TTC17: variants seen among roughly 807,000 people sequenced by gnomAD.
TTC17 encodes tetratricopeptide repeat domain 17.
Under a neutral mutation model 143.8 loss-of-function variants are expected in TTC17, and 58 were observed. The observed-to-expected ratio is 0.40, with a 90% CI of 0.33 to 0.50. The LOEUF is 0.50. Ranked by LOEUF, TTC17 falls within the 20% of genes least tolerant of loss-of-function variation. TTC17 has a pLI of 0.49. For synonymous variants in TTC17, 501 were observed against 497.8 expected, an observed-to-expected ratio of 1.01 and a Z score of -0.09; for missense variants, 1,273 against 1,392.5, an observed-to-expected ratio of 0.91 and a Z score of 1.37.
At position 43,450,128 on chromosome 11, in the gene TTC17, A is replaced by G. The variant is rs1273303488; in HGVS notation, c.2833A>G (p.Met945Val). ...TGCCACCCCTATACAGCAGCCAGCA[A>G]TGGAGCCTCTTTGCAATGGCAATCT... is the stretch of plus-strand genomic sequence containing the variant. The part of the protein sequence containing the change: ...DFATPIQQPA[M>V]EPLCNGNLPT... Residue 945 changes from methionine to valine, a missense_variant, in exon 20 of 24, where the codon ATG becomes GTG. Coordinates refer to ENST00000039989, the MANE Select transcript of TTC17 (RefSeq NM_018259.6). 2 of 1,614,042 alleles carry G rather than the reference A, an allele frequency of 1.2e-6. No homozygotes were observed. Among genetic ancestry groups the G allele is most frequent in the Non-Finnish European group, 1.7e-6 (2 of 1,180,018 alleles).
chr11:43,467,902 A>T (rs1360698643), intron 21 of TTC17, among the ~76,000 whole-genome samples: 2 of 152,130 alleles, frequency 1.3e-5, no homozygotes, highest in African/African-American at 2.4e-5. Flanking sequence ...AACATACAGA[A>T]TCCCAGGAGA....
chr11:43,405,191 A>T (rs1590366324), intron 11 of TTC17, among the ~76,000 whole-genome samples: 1 of 151,612 alleles, frequency 6.6e-6, no homozygotes, highest in South Asian at 2.1e-4. Flanking sequence ...CAGCAACTGG[A>T]ACAACATGAT....
At chr11:43,480,660 G>A (rs911964998) in intron 21 of TTC17, among the ~76,000 whole-genome samples, 2 of 152,080 alleles carry the variant, frequency 1.3e-5, no homozygotes, top group African/African-American at 4.8e-5. Context: ...CTGAAATACT[G>A]TACAAAGTAG....
At position 43,385,241 on chromosome 11, in the gene TTC17, G is replaced by A. The variant is rs921750438; in HGVS notation, c.250-4411G>A. Among the ~76,000 whole-genome samples, 33 of 152,088 alleles carry A rather than the reference G, an allele frequency of 2.2e-4. 1 individual carries two copies. Among genetic ancestry groups the A allele is most frequent in the Admixed American group, 3.9e-4 (6 of 15,268 alleles). ...ACATAGAAAAAGAGATAGAGGGAGC[G>A]AGTATGCCCTAAATTGAACGAAGAT... On this transcript the variant is annotated intron_variant, in intron 2 of 23. Transcript: ENST00000039989.
intron 2 of TTC17, among the ~76,000 whole-genome samples, chr11:43,387,188 A>G (rs528423952): frequency 3.9e-5 from 6 of 152,358 alleles, no homozygotes; most frequent in Admixed American, 1.3e-4. Flanking sequence ...AATATGTTCA[A>G]TCTTATTAAA....
intron 1 of TTC17, among the ~76,000 whole-genome samples, chr11:43,376,652 A>G (rs868027185): frequency 6.6e-6 from 1 of 152,188 alleles, no homozygotes; most frequent in African/African-American, 2.4e-5. Context: ...AAGGCATATT[A>G]ACATTCTTTT....
At chr11:43,444,326 G>A (rs1473732635) in intron 18 of TTC17, 117 bp downstream of exon 18, 5 of 1,059,362 alleles carry the variant, frequency 4.7e-6, no homozygotes. Flanking sequence ...GGGGCAAAGT[G>A]TGGTCAAGAA....
At chr11:43,408,815 C>T (rs958355021) in intron 15 of TTC17, among the ~76,000 whole-genome samples, 6 of 152,016 alleles carry the variant, frequency 3.9e-5, no homozygotes, top group African/African-American at 1.5e-4. Flanking sequence ...GGTCACGGCT[C>T]ACTGCAGCCT....
chr11:43,410,121 G>C (rs1230221589), intron 15 of TTC17, among the ~76,000 whole-genome samples: 2 of 152,100 alleles, frequency 1.3e-5, no homozygotes, highest in South Asian at 4.1e-4. Context: ...CCAAAGTGCT[G>C]GGATTACAGG....
At chr11:43,381,905 G>C (rs574659300) in intron 2 of TTC17, among the ~76,000 whole-genome samples, 3 of 152,286 alleles carry the variant, frequency 2.0e-5, no homozygotes, top group African/African-American at 7.2e-5. Context: ...TACAGGATTG[G>C]GGAGGAGTTT....
chr11:43,358,947 G>C lies in TTC17; in HGVS notation c.-8G>C, dbSNP rs1378368538. Reference sequence around the variant, plus strand: ...TTCCGGTGTGAGCGGCCCGGCCGGGGGGGCAAGATGGCGGCGGCAGTAGGG... The same window carrying C: ...TTCCGGTGTGAGCGGCCCGGCCGGGCGGGCAAGATGGCGGCGGCAGTAGGG... On this transcript the variant is annotated 5_prime_UTR_variant, in exon 1 of 24. Transcript: ENST00000039989. 1 of 1,569,910 alleles carries C rather than the reference G, an allele frequency of 6.4e-7. No individual in the cohort carries two copies. The highest frequency in any genetic ancestry group is 1.4e-5 in the African/African-American group (1 of 71,508).
chr11:43,491,857 T>G, intron 22 of TTC17, 163 bp from the exon 23 acceptor site: 1 of 764,610 alleles, frequency 1.3e-6, no homozygotes, highest in Non-Finnish European at 2.1e-6. Context: ...TACAAGCACC[T>G]TATCTATCAC....
chr11:43,451,941 A>G (rs1194838844), intron 21 of TTC17, among the ~76,000 whole-genome samples: 2 of 152,196 alleles, frequency 1.3e-5, no homozygotes, highest in African/African-American at 2.4e-5. Flanking sequence ...AGTATCGCAC[A>G]TGGAAAAATC....
At chr11:43,412,606 A>G (rs1858467881) in intron 15 of TTC17, among the ~76,000 whole-genome samples, 1 of 152,168 alleles carries the variant, frequency 6.6e-6, no homozygotes, top group Admixed American at 6.5e-5. Flanking sequence ...TGAAATCCCA[A>G]ACATTCCAAA....
rs944809622 is a variant in TTC17, at chr11:43,494,588, T to C, written c.*684T>C. 2.0e-5 allele frequency: 3 copies of C among 152,228 alleles called. No individual in the cohort carries two copies. Among genetic ancestry groups the C allele is most frequent in the Non-Finnish European group, 4.4e-5 (3 of 68,032 alleles). The allele number at this position is 152,228 out of a possible 1,614,324, so 9.4% of individuals were successfully genotyped here. A position where few individuals can be genotyped will look rare whatever the true frequency, so the allele number is the denominator to read the frequency against. ...GGAAATCAGCAGTGTGCAACATCTTTATAATTTGTACTTTAATTACAAATC... is the reference window on the plus strand; with the variant it reads ...GGAAATCAGCAGTGTGCAACATCTTCATAATTTGTACTTTAATTACAAATC... On this transcript the variant is annotated 3_prime_UTR_variant, in exon 24 of 24. Coordinates refer to ENST00000039989, the MANE Select transcript of TTC17 (RefSeq NM_018259.6).
chr11:43,446,004 G>A, intron 18 of TTC17: 1 of 1,533,960 alleles, frequency 6.5e-7, no homozygotes, highest in Non-Finnish European at 8.7e-7. Context: ...ATTTAACAGA[G>A]CCTCTTATGA....
chr11:43,444,431 A>T, intron 18 of TTC17: 1 of 350,534 alleles, frequency 2.9e-6, no homozygotes, highest in African/African-American at 2.1e-5. Context: ...TGTGTAATAA[A>T]TCATAAAGGA....
chr11:43,490,791 A>G (rs1464749425), intron 22 of TTC17: 1 of 145,754 alleles, frequency 6.9e-6, no homozygotes, highest in Non-Finnish European at 1.5e-5. Flanking sequence ...GATAGAAGCA[A>G]ATTTCCATTT....
chr11:43,403,892 T>G, intron 10 of TTC17, 106 bp from the exon 11 acceptor site: 3 of 947,884 alleles, frequency 3.2e-6, no homozygotes, highest in Non-Finnish European at 4.6e-6. Flanking sequence ...CTTTCTGATT[T>G]TCTACTAATT....
Sources: gnomAD v4.1 joint callset for allele counts (sites outside exome capture counted in the v4.1 genomes callset) on GRCh38, gnomAD v4.1.1 for gene constraint, MANE v1.5 for transcripts, NCBI Gene and HGNC (gene_info 2026-07-23, HGNC 2026-07-21) for gene names.